Variants in LEKR1 observed in about 807,000 individuals in gnomAD.
LEKR1 encodes the protein protein LEKR1.
In LEKR1, 59 loss-of-function variants were observed where a neutral mutation model predicts 72.4. That is an observed-to-expected ratio of 0.82 (90% CI 0.66 to 1.01). The LOEUF (loss-of-function observed/expected upper bound fraction) is 1.01, where lower values mean the gene tolerates loss of function less well. Among genes scored for constraint, LEKR1 ranks in the 50% least tolerant of loss-of-function variants. LEKR1 has a pLI of 0.00. For synonymous variants in LEKR1, 257 were observed against 263.2 expected (o/e 0.98, Z 0.23); for missense variants, 728 against 759.2 (o/e 0.96, Z 0.48).
chr3:156,954,448 A>G (rs371628406), intron 6 of LEKR1, among the ~76,000 whole-genome samples: 4 of 152,034 alleles, frequency 2.6e-5, no homozygotes, highest in East Asian at 1.9e-4. Context: ...TACGTCCTGA[A>G]TGATATTGCC....
intron 3 of LEKR1, chr3:156,888,546 A>G (rs2108556081): frequency 8.7e-6 from 5 of 573,870 alleles, no homozygotes; most frequent in Middle Eastern, 4.0e-4. Context: ...AAAGACTGAA[A>G]GGGCCTGGTT....
chr3:156,933,849 A>G (rs7617473), intron 5 of LEKR1, among the ~76,000 whole-genome samples: 4,609 of 152,300 alleles, frequency 0.03, 273 homozygotes, highest in African/African-American at 0.11. Context: ...AGACACTGAC[A>G]TCCCCTTTGT....
chr3:156,911,044 G>A, intron 3 of LEKR1, among the ~76,000 whole-genome samples: 1 of 151,776 alleles, frequency 6.6e-6, no homozygotes, highest in South Asian at 2.1e-4. Context: ...GCTGTGAGAT[G>A]GTATCTTATT....
intron 12 of LEKR1, among the ~76,000 whole-genome samples, chr3:157,040,374 T>A (rs1351857703): frequency 2.6e-5 from 4 of 152,228 alleles, no homozygotes; most frequent in African/African-American, 9.7e-5. Flanking sequence ...GGTATGTCTA[T>A]TGCAGTTGGT....
rs373735369 is a variant in LEKR1 at position 156,905,449 on chromosome 3, G to A, written c.264-15126G>A. Among the ~76,000 whole-genome samples, 8 of 152,094 alleles carry A rather than the reference G, an allele frequency of 5.3e-5. No homozygotes were observed. In the East Asian group the frequency reaches 1.3e-3, roughly 26 times the overall value. On this transcript the variant is annotated intron_variant, in intron 3 of 12. Coordinates refer to ENST00000356539, the MANE Select transcript of LEKR1 (RefSeq NM_001004316.3). ...AAAGCAGTATAATACCACTGAAGAG[G>A]AAATTAAGTAATTGTATTCCCAAAT...
Position 156,927,483 on chromosome 3 carries a change from T to A in LEKR1, c.438T>A (p.Thr146=), listed in dbSNP as rs1413729392. Residue 146 remains threonine, a synonymous_variant, in exon 5 of 13, where the codon ACT becomes ACA. Transcript: ENST00000356539. ...YFWNKTLSLL[T]FTKRELTSIK... ...GGAATAAGACTCTTTCATTACTTAC[T>A]TTTACTAAAAGGGAACTAACCAGTA... 3 of 1,190,754 alleles carry A rather than the reference T, an allele frequency of 2.5e-6. No individual in the cohort carries two copies. In the African/African-American group the frequency reaches 4.9e-5, roughly 20 times the overall value. 73.8% of individuals were successfully genotyped at this position (1,190,754 alleles called of 1,614,324 possible).
rs1264267612 is a variant in LEKR1, at chr3:157,045,470, G to C, written c.1799G>C (p.Cys600Ser). ...KLRGSLPFSPCSLSKGSLTSP... is the reference protein window; with the variant it reads ...KLRGSLPFSPSSLSKGSLTSP... ...CGTGGAAGTTTACCATTCTCACCGT[G>C]TTCCCTCAGCAAGGGCAGCCTAACC... Residue 600 changes from cysteine (C) to serine (S), a missense_variant, in exon 13 of 13, where the codon TGT becomes TCT. Transcript: ENST00000356539. 4 of 1,614,110 alleles carry C rather than the reference G, an allele frequency of 2.5e-6. No individual in the cohort carries two copies. The highest frequency in any genetic ancestry group is 3.4e-6 in the Non-Finnish European group (4 of 1,180,012).
intron 3 of LEKR1, among the ~76,000 whole-genome samples, chr3:156,904,796 C>A (rs937330809): frequency 1.3e-5 from 2 of 151,928 alleles, no homozygotes; most frequent in Non-Finnish European, 2.9e-5. Flanking sequence ...CTGTGCCCAA[C>A]CTATGTATGT....
rs373016693 is a variant in LEKR1 at position 157,012,423 on chromosome 3, A to G, written c.1203+917A>G. Among the ~76,000 whole-genome samples the G allele has an allele frequency of 1.6e-4, 24 of 152,252 alleles. No individual in the cohort carries two copies. The South Asian group carries it at 3.9e-3, about 25-fold the overall frequency. On this transcript the variant is annotated intron_variant, in intron 10 of 12. Transcript: ENST00000356539. ...TTTTATCAGATTCTTCTCCTTGGGG[A>G]TTGACCCCATAACTTGTAACCTCAG...
At chr3:156,940,319 G>A (rs1373108315) in intron 5 of LEKR1, among the ~76,000 whole-genome samples, 3 of 152,144 alleles carry the variant, frequency 2.0e-5, no homozygotes, top group Admixed American at 1.3e-4. Flanking sequence ...GTTCCAGGAA[G>A]ATGAAGATCA....
chr3:156,970,111 G>A (rs2107991220), intron 6 of LEKR1, among the ~76,000 whole-genome samples: 1 of 152,276 alleles, frequency 6.6e-6, no homozygotes, highest in South Asian at 2.1e-4. Context: ...AGGTATTGAT[G>A]GGACATATCT....
intron 9 of LEKR1, among the ~76,000 whole-genome samples, chr3:156,997,590 G>T (rs1731681396): frequency 6.6e-6 from 1 of 152,162 alleles, no homozygotes; most frequent in Non-Finnish European, 1.5e-5. Flanking sequence ...GCTCACCAAA[G>T]GCCAGAGCCC....
intron 6 of LEKR1, among the ~76,000 whole-genome samples, chr3:156,968,589 G>T (rs1003202597): frequency 2.4e-4 from 37 of 152,266 alleles, no homozygotes; most frequent in Admixed American, 2.1e-3. Flanking sequence ...AAATATATAT[G>T]CACCCAATAC....
intron 4 of LEKR1, among the ~76,000 whole-genome samples, chr3:156,921,549 T>C (rs1307340751): frequency 1.3e-5 from 2 of 152,152 alleles, no homozygotes; most frequent in African/African-American, 4.8e-5. Flanking sequence ...TGAAATCCAC[T>C]CACAAAACAA....
intron 4 of LEKR1, chr3:156,925,178 A>T (rs1346043690): frequency 6.6e-6 from 1 of 152,000 alleles, no homozygotes; most frequent in African/African-American, 2.4e-5. Flanking sequence ...TTATGTTGTT[A>T]TGAATTGGGA....
chr3:157,032,226 A>C (rs1228767541), intron 12 of LEKR1, among the ~76,000 whole-genome samples: 1 of 152,112 alleles, frequency 6.6e-6, no homozygotes, highest in African/African-American at 2.4e-5. Flanking sequence ...GTGACCCCCT[A>C]TTACGGACCT....
intron 10 of LEKR1, 127 bp downstream of exon 10, chr3:157,011,633 T>C (rs1193241863): frequency 4.5e-6 from 3 of 673,630 alleles, no homozygotes; most frequent in Non-Finnish European, 7.7e-6. Context: ...CTTCTGGAAT[T>C]TCCTAGACCA....
At chr3:156,944,544 C>A (rs1726514876) in intron 6 of LEKR1, among the ~76,000 whole-genome samples, 1 of 151,674 alleles carries the variant, frequency 6.6e-6, no homozygotes, top group Admixed American at 6.6e-5. Context: ...TAACCATCCC[C>A]ACTTTCCATC....
intron 2 of LEKR1, among the ~76,000 whole-genome samples, chr3:156,837,775 G>T (rs1194504851): frequency 2.6e-5 from 4 of 152,146 alleles, no homozygotes; most frequent in Admixed American, 6.5e-5. Flanking sequence ...ATCAGTTTGC[G>T]CAGAAAGGGG....
Sources: gnomAD v4.1 joint callset for allele counts (sites outside exome capture counted in the v4.1 genomes callset) on GRCh38, gnomAD v4.1.1 for gene constraint, MANE v1.5 for transcripts, NCBI Gene and HGNC (gene_info 2026-07-23, HGNC 2026-07-21) for gene names.